The following KCNIP4 variants were observed in gnomAD, a reference collection of about 807,000 sequenced individuals.
KCNIP4 encodes potassium voltage-gated channel interacting protein 4.
KCNIP4 carries 12 observed loss-of-function variants against 34.0 expected under a neutral mutation model. The ratio of observed to expected loss-of-function variants is 0.35; its 90% CI spans 0.23 to 0.57. The LOEUF is 0.57. Ranked by LOEUF, KCNIP4 falls within the 20% of genes least tolerant of loss-of-function variation. The probability of loss-of-function intolerance (pLI) is 0.83; values close to 1 mark genes in which losing one functional copy is unlikely to be tolerated. For synonymous variants in KCNIP4, 124 were observed against 102.2 expected (o/e 1.21, Z -1.29); for missense variants, 238 against 311.7 (o/e 0.76, Z 1.78).
intron 1 of KCNIP4, among the ~76,000 whole-genome samples, chr4:21,061,081 T>C (rs1743876104): frequency 6.6e-6 from 1 of 152,122 alleles, no homozygotes. Context: ...TCTAAAAGAA[T>C]GGTAGCACTT....
intron 1 of KCNIP4, among the ~76,000 whole-genome samples, chr4:20,965,786 T>C (rs1734281579): frequency 6.6e-6 from 1 of 152,212 alleles, no homozygotes; most frequent in Non-Finnish European, 1.5e-5. Flanking sequence ...TCCTTAAATA[T>C]AGCCATAAAT....
chr4:21,491,413 T>G (rs530367355), intron 1 of KCNIP4, among the ~76,000 whole-genome samples: 10 of 152,276 alleles, frequency 6.6e-5, no homozygotes, highest in African/African-American at 2.2e-4. Context: ...ATCTCTCTGT[T>G]GCCCAGGCTG....
intron 1 of KCNIP4, chr4:21,847,746 A>T (rs1724113086): frequency 6.6e-6 from 1 of 152,054 alleles, no homozygotes; most frequent in Non-Finnish European, 1.5e-5. Flanking sequence ...CATCCCTTAC[A>T]CAAAATATTT....
chr4:21,578,644 C>G (rs931235929), intron 1 of KCNIP4, among the ~76,000 whole-genome samples: 5 of 152,152 alleles, frequency 3.3e-5, no homozygotes, highest in African/African-American at 1.2e-4. Flanking sequence ...TCCGTGCCAT[C>G]TCAACCCCTG....
chr4:20,951,605 C>A (rs567248382), intron 1 of KCNIP4, among the ~76,000 whole-genome samples: 3 of 152,256 alleles, frequency 2.0e-5, no homozygotes, highest in Non-Finnish European at 4.4e-5. Context: ...ACTCATATAT[C>A]TTTTTTGAAT....
intron 1 of KCNIP4, among the ~76,000 whole-genome samples, chr4:21,857,530 A>C (rs936817704): frequency 2.0e-5 from 3 of 151,898 alleles, no homozygotes; most frequent in Non-Finnish European, 4.4e-5. Context: ...GTGAGAAGAC[A>C]ATGGAAAAAT....
At chr4:21,079,451 G>T (rs1745809015) in intron 1 of KCNIP4, among the ~76,000 whole-genome samples, 1 of 151,866 alleles carries the variant, frequency 6.6e-6, no homozygotes, top group South Asian at 2.1e-4. Context: ...CTGGTAATTT[G>T]CTCAGTGTGA....
intron 1 of KCNIP4, among the ~76,000 whole-genome samples, chr4:20,884,986 C>A (rs759341281): frequency 9.2e-5 from 14 of 152,132 alleles, no homozygotes; most frequent in Non-Finnish European, 1.5e-4. Context: ...CAGACGTGAG[C>A]TACTGCGCCC....
chr4:21,220,425 G>C (rs1424448201), intron 1 of KCNIP4, among the ~76,000 whole-genome samples: 3 of 152,242 alleles, frequency 2.0e-5, no homozygotes, highest in African/African-American at 7.2e-5. Flanking sequence ...CAGGAGACGG[G>C]GGAGGGATAG....
chr4:21,805,705 C>T (rs1216033002), intron 1 of KCNIP4, among the ~76,000 whole-genome samples: 1 of 152,108 alleles, frequency 6.6e-6, no homozygotes, highest in South Asian at 2.1e-4. Context: ...CATGAATTTT[C>T]CCCTCTATGG....
chr4:21,224,143 T>C (rs975344403), intron 1 of KCNIP4, among the ~76,000 whole-genome samples: 8 of 152,120 alleles, frequency 5.3e-5, no homozygotes, highest in African/African-American at 1.9e-4. Context: ...TGCTTTGTGT[T>C]GTCCCCGTCT....
intron 1 of KCNIP4, chr4:21,697,460 T>C (rs755867906): frequency 6.5e-7 from 1 of 1,540,234 alleles, no homozygotes; most frequent in South Asian, 1.3e-5. Context: ...GGTATTCCTC[T>C]GAGGAGAGCC....
At chr4:20,970,883 G>A (rs939706773) in intron 1 of KCNIP4, among the ~76,000 whole-genome samples, 2 of 152,150 alleles carry the variant, frequency 1.3e-5, no homozygotes, top group African/African-American at 4.8e-5. Context: ...AAAGATAAGT[G>A]CTCTACATAT....
At chr4:21,821,456 C>T (rs1722349151) in intron 1 of KCNIP4, among the ~76,000 whole-genome samples, 2 of 152,108 alleles carry the variant, frequency 1.3e-5, no homozygotes. Flanking sequence ...GAAATCCAAT[C>T]TCTTTTCAGA....
intron 1 of KCNIP4, among the ~76,000 whole-genome samples, chr4:21,230,748 T>C (rs541226539): frequency 1.3e-5 from 2 of 152,312 alleles, no homozygotes; most frequent in South Asian, 4.1e-4. Context: ...CACATTTTCT[T>C]TACCCAGTCT....
chr4:21,463,930 A>G (rs1485488652), intron 1 of KCNIP4, among the ~76,000 whole-genome samples: 3 of 152,030 alleles, frequency 2.0e-5, no homozygotes, highest in African/African-American at 2.4e-5. Context: ...CTTTGAATCA[A>G]TGGTGGTTGT....
chr4:21,670,480 GT>G (rs1749390163), intron 1 of KCNIP4, among the ~76,000 whole-genome samples: 1 of 150,948 alleles, frequency 6.6e-6, no homozygotes, highest in South Asian at 2.1e-4. Flanking sequence ...TAGATGACGA[GT>G]TAGTGAGTGC....
intron 1 of KCNIP4, among the ~76,000 whole-genome samples, chr4:21,735,724 A>G (rs58744364): frequency 0.12 from 18,191 of 152,158 alleles, 3,711 homozygotes; most frequent in African/African-American, 0.42. Flanking sequence ...GACTTCCTGG[A>G]AGAAGAGGAA....
intron 1 of KCNIP4, among the ~76,000 whole-genome samples, chr4:21,390,421 T>G (rs1045810566): frequency 1.3e-5 from 2 of 152,258 alleles, no homozygotes; most frequent in African/African-American, 2.4e-5. Context: ...TCTTCTAGGG[T>G]TTTTATGGTT....
Sources: allele counts gnomAD v4.1 joint callset (sites outside exome capture counted in the v4.1 genomes callset), GRCh38; gene constraint gnomAD v4.1.1; transcripts MANE v1.5; gene names NCBI Gene and HGNC (gene_info 2026-07-23, HGNC 2026-07-21).